The following CADPS2 variants were observed in gnomAD, a reference collection of about 807,000 sequenced individuals.
The protein encoded by CADPS2 is calcium dependent secretion activator 2.
A neutral mutation model predicts 172.5 loss-of-function variants in CADPS2; 93 were observed. The observed-to-expected ratio is 0.54, with a 90% CI of 0.46 to 0.64. CADPS2 has a LOEUF of 0.64. Ranked by LOEUF, CADPS2 falls within the 30% of genes least tolerant of loss-of-function variation. The pLI is 0.00. For synonymous variants in CADPS2, 546 were observed against 555.2 expected (o/e 0.98, Z 0.23); for missense variants, 1,420 against 1,565.9 (o/e 0.91, Z 1.57).
At chr7:122,403,618 T>C (rs1337276899) in intron 20 of CADPS2, among the ~76,000 whole-genome samples, 1 of 152,206 alleles carries the variant, frequency 6.6e-6, no homozygotes, top group Non-Finnish European at 1.5e-5. Flanking sequence ...AATTACATTT[T>C]ATAGTTAGAA....
intron 9 of CADPS2, among the ~76,000 whole-genome samples, chr7:122,512,931 TAC>T (rs2060107238): frequency 6.6e-6 from 1 of 152,274 alleles, no homozygotes; most frequent in East Asian, 1.9e-4. Context: ...TTCCAGAGGT[TAC>T]ATTTTATCTG....
At chr7:122,469,418 A>T (rs1162201599) in intron 14 of CADPS2, among the ~76,000 whole-genome samples, 1 of 152,188 alleles carries the variant, frequency 6.6e-6, no homozygotes, top group Non-Finnish European at 1.5e-5. Flanking sequence ...GATATCCCCT[A>T]GTCAGAAGGA....
intron 7 of CADPS2, among the ~76,000 whole-genome samples, chr7:122,577,972 A>G (rs2068261149): frequency 6.6e-6 from 1 of 151,902 alleles, no homozygotes; most frequent in African/African-American, 2.4e-5. Context: ...AGCTCCCCAG[A>G]TATACTATTC....
At chr7:122,437,756 A>G (rs1463258393) in intron 17 of CADPS2, among the ~76,000 whole-genome samples, 1 of 151,858 alleles carries the variant, frequency 6.6e-6, no homozygotes, top group Non-Finnish European at 1.5e-5. Flanking sequence ...CAATCTACTT[A>G]TTTCTAAACA....
At chr7:122,859,488 C>T (rs1443004701) in intron 1 of CADPS2, among the ~76,000 whole-genome samples, 1 of 152,076 alleles carries the variant, frequency 6.6e-6, no homozygotes, top group Non-Finnish European at 1.5e-5. Flanking sequence ...ACCTATAGGT[C>T]TTATTATAGT....
At chr7:122,431,693 T>C (rs2049930406) in intron 17 of CADPS2, among the ~76,000 whole-genome samples, 1 of 152,066 alleles carries the variant, frequency 6.6e-6, no homozygotes, top group Non-Finnish European at 1.5e-5. Context: ...TGATACTATT[T>C]ATTGCAAAGT....
At chr7:122,549,437 G>T (rs559122400) in intron 8 of CADPS2, among the ~76,000 whole-genome samples, 2 of 152,010 alleles carry the variant, frequency 1.3e-5, no homozygotes, top group South Asian at 4.1e-4. Context: ...CAAGACATTC[G>T]TGTGATTGTA....
intron 1 of CADPS2, among the ~76,000 whole-genome samples, chr7:122,865,704 T>C (rs1046197874): frequency 3.3e-5 from 5 of 152,222 alleles, no homozygotes; most frequent in African/African-American, 9.7e-5. Flanking sequence ...TAGACAATCA[T>C]GGTCTGTCCC....
chr7:122,779,718 T>G (rs1792177093), intron 1 of CADPS2, among the ~76,000 whole-genome samples: 1 of 152,172 alleles, frequency 6.6e-6, no homozygotes, highest in African/African-American at 2.4e-5. Context: ...CAAAGCCCAC[T>G]GCAGGAAATC....
At chr7:122,710,566 T>C (rs2088535328) in intron 2 of CADPS2, among the ~76,000 whole-genome samples, 2 of 152,100 alleles carry the variant, frequency 1.3e-5, no homozygotes, top group African/African-American at 4.8e-5. Flanking sequence ...ATTTCACTTC[T>C]GTTTGTAAAT....
chr7:122,676,832 G>T (rs779795488), intron 2 of CADPS2: 3 of 612,138 alleles, frequency 4.9e-6, no homozygotes, highest in Admixed American at 2.8e-5. Context: ...AGTGCTTGGT[G>T]ACAGTATTTT....
intron 17 of CADPS2, among the ~76,000 whole-genome samples, chr7:122,422,408 T>C (rs1410989839): frequency 6.6e-6 from 1 of 152,116 alleles, no homozygotes; most frequent in African/African-American, 2.4e-5. Context: ...TGGCAAAACT[T>C]ATCTACCATT....
intron 7 of CADPS2, among the ~76,000 whole-genome samples, chr7:122,573,167 G>T (rs1055244178): frequency 2.2e-4 from 33 of 152,146 alleles, no homozygotes; most frequent in Admixed American, 6.5e-4. Context: ...GCATCCCCTT[G>T]GAAGTGTTTA....
rs200654344 is a variant in CADPS2 at position 122,846,812 on chromosome 7, C to A, written c.339+39187G>T. Among the ~76,000 whole-genome samples the A allele has an allele frequency of 3.3e-5, 5 of 152,294 alleles. No homozygotes were observed. In the East Asian group the frequency reaches 9.7e-4, roughly 29 times the overall value. On this transcript the variant is annotated intron_variant, in intron 1 of 29. Coordinates refer to ENST00000449022, the MANE Select transcript of CADPS2 (RefSeq NM_017954.11). Reference sequence around the variant, plus strand: ...CCTGAGATGATCTTCAAGCTGGCACCACTCCCTTATAGAAGTATGCCATGC... The same window carrying A: ...CCTGAGATGATCTTCAAGCTGGCACAACTCCCTTATAGAAGTATGCCATGC...
intron 27 of CADPS2, among the ~76,000 whole-genome samples, chr7:122,353,172 G>C (rs966689255): frequency 6.6e-6 from 1 of 151,952 alleles, no homozygotes; most frequent in Admixed American, 6.6e-5. Context: ...TCACTGCATG[G>C]GTGGGAAAAT....
intron 14 of CADPS2, among the ~76,000 whole-genome samples, chr7:122,458,885 T>C (rs2054117082): frequency 6.6e-6 from 1 of 152,008 alleles, no homozygotes; most frequent in Middle Eastern, 3.2e-3. Flanking sequence ...AAAATAAAAG[T>C]AAAGAGAATT....
In CADPS2 at chr7:122,820,828, G is replaced by T. The variant is rs1159828715; in HGVS notation, c.339+65171C>A. On this transcript the variant is annotated intron_variant, in intron 1 of 29. Coordinates refer to ENST00000449022, the MANE Select transcript of CADPS2 (RefSeq NM_017954.11). ...CCCGCCTCGGCCTCCCAAAGTGCTG[G>T]GATTACAGGCGTGAGCCACCGCGCC... Among the ~76,000 whole-genome samples, 3 of 138,370 alleles carry T rather than the reference G, an allele frequency of 2.2e-5. 1 individual carries two copies. Among genetic ancestry groups the T allele is most frequent in the Non-Finnish European group, 3.1e-5 (2 of 64,262 alleles). 90.8% of individuals were successfully genotyped at this position (138,370 alleles called of 152,430 possible).
intron 9 of CADPS2, among the ~76,000 whole-genome samples, chr7:122,504,777 C>G (rs577571262): frequency 6.6e-6 from 1 of 152,090 alleles, no homozygotes; most frequent in Non-Finnish European, 1.5e-5. Flanking sequence ...GTTGTTCAGA[C>G]TGGTCTCAAG....
chr7:122,561,317 C>G (rs2065740877), intron 7 of CADPS2, among the ~76,000 whole-genome samples: 1 of 134,822 alleles, frequency 7.4e-6, no homozygotes, highest in Non-Finnish European at 1.6e-5. Context: ...CACCACATCT[C>G]CTTCCTTCTA....
Sources: gnomAD v4.1 joint callset for allele counts (sites outside exome capture counted in the v4.1 genomes callset) on GRCh38, gnomAD v4.1.1 for gene constraint, MANE v1.5 for transcripts, NCBI Gene and HGNC (gene_info 2026-07-23, HGNC 2026-07-21) for gene names.